The following PTCH1 variants were observed in gnomAD, a reference collection of about 807,000 sequenced individuals.
PTCH1 encodes patched 1.
PTCH1 carries 14 observed loss-of-function variants against 144.6 expected under a neutral mutation model. That is an observed-to-expected ratio of 0.10 (90% CI 0.06 to 0.15). The LOEUF is 0.15. PTCH1 is among the 10% of genes least tolerant of loss of function. The probability of loss-of-function intolerance (pLI) is 1.00; values close to 1 mark genes in which losing one functional copy is unlikely to be tolerated. For synonymous variants in PTCH1, 833 were observed against 793.6 expected, an observed-to-expected ratio of 1.05 and a Z score of -0.83; for missense variants, 1,623 against 1,948.3, an observed-to-expected ratio of 0.83 and a Z score of 3.14.
In PTCH1 at chr9:95,469,892, G is replaced by A. The variant is rs2118095021; in HGVS notation, c.1768C>T (p.Leu590Phe). The change falls in exon 13 of 24, where the codon CTC (leucine) becomes TTC (phenylalanine). Residue 590 changes from leucine to phenylalanine, a missense_variant. Coordinates refer to ENST00000331920, the MANE Select transcript of PTCH1 (RefSeq NM_000264.5). ...ATGCTGAGAATTGCAGGAAAAATGA[G>A]CAGAACCATGGCAAAATTGAACACC... ...VVVFNFAMVL[L>F]IFPAILSMDL... is the part of the protein sequence containing the mutation. The A allele has an allele frequency of 1.9e-6, 3 of 1,614,150 alleles. No individual in the cohort carries two copies. Among genetic ancestry groups the A allele is most frequent in the African/African-American group, 1.3e-5 (1 of 75,046 alleles).
At chr9:95,489,802 A>ATTT (rs1272314588) in intron 2 of PTCH1, among the ~76,000 whole-genome samples, 7 of 136,978 alleles carry the variant, frequency 5.1e-5, no homozygotes, top group African/African-American at 8.1e-5. Flanking sequence ...GCTATGGATA[A>ATTT]TTTTTTTTTT....
chr9:95,457,997 C>G lies in PTCH1; in HGVS notation c.3168+16G>C, dbSNP rs754733018. On this transcript the variant is annotated intron_variant, in intron 18 of 23. Coordinates refer to ENST00000331920, the MANE Select transcript of PTCH1 (RefSeq NM_000264.5). ...AAGGAATTTGACTTCCACAAAGCCC[C>G]TTATAATACACTCACAATGATCCCG... 2.1e-5 allele frequency: 34 copies of G among 1,613,930 alleles called. No individual in the cohort carries two copies. The South Asian group carries it at 3.6e-4, about 17-fold the overall frequency.
At chr9:95,464,906 G>A (rs1315160927) in intron 15 of PTCH1, among the ~76,000 whole-genome samples, 1 of 152,108 alleles carries the variant, frequency 6.6e-6, no homozygotes, top group African/African-American at 2.4e-5. Flanking sequence ...AAAACGTGTA[G>A]GCAGCAAAGG....
upstream of PTCH1, among the ~76,000 whole-genome samples, chr9:95,513,521 T>C (rs1416413392): frequency 6.6e-6 from 1 of 152,104 alleles, no homozygotes; most frequent in Non-Finnish European, 1.5e-5. Context: ...ATGTGAGTGA[T>C]GGTCAAGGCA....
chr9:95,511,165 G>A (rs1322494893), upstream of PTCH1, among the ~76,000 whole-genome samples: 2 of 150,086 alleles, frequency 1.3e-5, no homozygotes, highest in East Asian at 3.9e-4. Flanking sequence ...GCGGCGGGGC[G>A]CGCCGGCCAC....
chr9:95,497,102 A>C (rs918301682), intron 2 of PTCH1, among the ~76,000 whole-genome samples: 14 of 152,224 alleles, frequency 9.2e-5, no homozygotes, highest in African/African-American at 3.4e-4. Context: ...AATCAGGAGA[A>C]TATTGGCGCA....
At position 95,444,250 on chromosome 9, in the gene PTCH1, GA is replaced by G. The variant is rs1837694420; in HGVS notation, c.*2142del. On this transcript the variant is annotated 3_prime_UTR_variant, in exon 24 of 24. Transcript: ENST00000331920. ...TCTCCCTTTGCCAATGTGACTATTG[GA>G]GAAAGTTCTACACCATGCAGAAATC... 2 of 149,210 alleles carry G rather than the reference GA, an allele frequency of 1.3e-5. No homozygotes were observed. The highest frequency in any genetic ancestry group is 5.0e-5 in the African/African-American group (2 of 40,164). 9.2% of individuals were successfully genotyped at this position (149,210 alleles called of 1,614,324 possible). A position where few individuals can be genotyped will look rare whatever the true frequency, so the allele number is the denominator to read the frequency against.
At chr9:95,497,007 T>C (rs958726548) in intron 2 of PTCH1, among the ~76,000 whole-genome samples, 4 of 152,214 alleles carry the variant, frequency 2.6e-5, no homozygotes, top group African/African-American at 9.6e-5. Flanking sequence ...GAAGCCTACA[T>C]TTTCCTTCAT....
chr9:95,462,774 G>A (rs28377268), intron 15 of PTCH1, among the ~76,000 whole-genome samples: 5 of 152,038 alleles, frequency 3.3e-5, no homozygotes, highest in Non-Finnish European at 7.4e-5. Context: ...AGCCGGGGAG[G>A]GGGAGGAAAG....
exon 1 of PTCH1, chr9:95,516,756 G>A (rs2118958188): frequency 6.2e-7 from 1 of 1,613,496 alleles, no homozygotes; most frequent in Non-Finnish European, 8.5e-7. Context: ...TGGGCCGCCG[G>A]AGGCTTTCGG....
chr9:95,494,138 G>A (rs770112011), intron 2 of PTCH1: 5 of 918,968 alleles, frequency 5.4e-6, no homozygotes, highest in Non-Finnish European at 6.5e-6. Context: ...AGGCGCTCGC[G>A]CGGGGTTCTG....
chr9:95,474,119 G>A (rs765079726), intron 12 of PTCH1: 3 of 496,492 alleles, frequency 6.0e-6, no homozygotes, highest in Non-Finnish European at 1.2e-5. Context: ...AAGGAGAGTC[G>A]GCCTCGATGA....
At position 95,506,897 on chromosome 9, in the gene PTCH1, G is replaced by A. The variant is rs931947151; in HGVS notation, c.202-298C>T. The A allele has an allele frequency of 1.1e-5, 12 of 1,123,456 alleles. No homozygotes were observed. In the East Asian group the frequency reaches 3.0e-4, roughly 28 times the overall value. 69.6% of individuals were successfully genotyped at this position (1,123,456 alleles called of 1,614,324 possible). On this transcript the variant is annotated intron_variant, in intron 1 of 23. Transcript: ENST00000331920. The stretch of plus-strand genomic sequence containing the variant: ...CTGCAATACAGAAGAGGAAGCCGAG[G>A]TAGAGAGGAGAGAAACCACTCGACA...
intron 19 of PTCH1, among the ~76,000 whole-genome samples, chr9:95,455,519 G>A (rs572088966): frequency 6.6e-6 from 1 of 152,328 alleles, no homozygotes; most frequent in African/African-American, 2.4e-5. Context: ...AATTTACACA[G>A]TTGTGATGTT....
Position 95,476,218 on chromosome 9 carries a change from A to T in PTCH1, c.1603-59T>A, listed in dbSNP as rs1841025232. 1.3e-5 allele frequency: 21 copies of T among 1,581,778 alleles called. No homozygotes were observed. The highest frequency in any genetic ancestry group is 1.7e-5 in the Non-Finnish European group (20 of 1,166,514). On this transcript the variant is annotated intron_variant, in intron 11 of 23. Transcript: ENST00000331920. The surrounding 1 kb of genome is among the most constrained non-coding windows in gnomAD (Gnocchi z 4.6). Reference sequence around the variant, plus strand: ...ACTGGACATGGTCCCCTTGGAGCACAGACTGTGTGAGCAGATACGTGGCAG... The same window carrying T: ...ACTGGACATGGTCCCCTTGGAGCACTGACTGTGTGAGCAGATACGTGGCAG...
chr9:95,485,993 C>A, intron 2 of PTCH1, 119 bp from the exon 3 acceptor site: 1 of 1,100,106 alleles, frequency 9.1e-7, no homozygotes, highest in Admixed American at 1.8e-5. Flanking sequence ...ATGAGACTGG[C>A]TGATGTGTGA....
chr9:95,506,925 G>A (rs555109969), intron 1 of PTCH1: 4 of 1,074,680 alleles, frequency 3.7e-6, no homozygotes, highest in African/African-American at 1.7e-5. Flanking sequence ...ACTCGACACA[G>A]ACAATATTCA....
At chr9:95,506,632 C>T in intron 1 of PTCH1, 33 bp from the exon 2 acceptor site, 2 of 1,508,816 alleles carry the variant, frequency 1.3e-6, no homozygotes, top group Non-Finnish European at 1.8e-6. Flanking sequence ...GAGTGAGCGC[C>T]GGGGAGTCGC....
rs1057521043 is a variant in PTCH1, at chr9:95,447,077, G to T, written c.4179C>A (p.Pro1393=). The T allele has an allele frequency of 6.2e-7, 1 of 1,614,024 alleles. No individual in the cohort carries two copies. Among genetic ancestry groups the T allele is most frequent in the African/African-American group, 1.3e-5 (1 of 75,066 alleles). The change falls in exon 23 of 24, where the codon CCC becomes CCA. Residue 1393 remains proline, a synonymous_variant. Transcript: ENST00000331920. ...PPPVPGPGRN[P]RGGLCPGYPE... ...GGTAGCCTGGGCAGAGTCCCCCTCG[G>T]GGGTTCCGCCCAGGCCCAGGGACAG...
Sources: allele counts gnomAD v4.1 joint callset (sites outside exome capture counted in the v4.1 genomes callset), GRCh38; gene constraint gnomAD v4.1.1; non-coding constraint Gnocchi (gnomAD v3.1); transcripts MANE v1.5; gene names NCBI Gene and HGNC (gene_info 2026-07-23, HGNC 2026-07-21).